AGBL4: variants seen among roughly 807,000 people sequenced by gnomAD.
AGBL4 encodes the protein AGBL carboxypeptidase 4.
AGBL4 carries 58 observed loss-of-function variants against 66.4 expected under a neutral mutation model. That is an observed-to-expected ratio of 0.87 (90% CI 0.71 to 1.09). The LOEUF is 1.09. Ranked by LOEUF, AGBL4 falls within the 50% of genes least tolerant of loss-of-function variation. AGBL4 has a pLI of 0.00. For synonymous variants in AGBL4, 234 were observed against 222.9 expected, an observed-to-expected ratio of 1.05 and a Z score of -0.44; for missense variants, 579 against 631.0, an observed-to-expected ratio of 0.92 and a Z score of 0.88.
chr1:49,464,244 T>C (rs1646577816), intron 3 of AGBL4, among the ~76,000 whole-genome samples: 1 of 151,744 alleles, frequency 6.6e-6, no homozygotes, highest in Admixed American at 6.6e-5. Flanking sequence ...CACTTGGCAA[T>C]ATATATACTC....
At chr1:48,838,459 T>C (rs1255196501) in intron 6 of AGBL4, among the ~76,000 whole-genome samples, 1 of 152,084 alleles carries the variant, frequency 6.6e-6, no homozygotes, top group African/African-American at 2.4e-5. Context: ...CTTTAGTAAA[T>C]GTGCTGGGAA....
At chr1:48,894,792 G>A (rs1262008489) in intron 5 of AGBL4, among the ~76,000 whole-genome samples, 1 of 152,112 alleles carries the variant, frequency 6.6e-6, no homozygotes, top group South Asian at 2.1e-4. Context: ...TTGCTACAAT[G>A]AACAAAGGAT....
At chr1:49,011,123 C>A (rs1455644290) in intron 5 of AGBL4, among the ~76,000 whole-genome samples, 1 of 150,548 alleles carries the variant, frequency 6.6e-6, no homozygotes, top group South Asian at 2.1e-4. Context: ...ATTTTTGCAA[C>A]CTACTCATCT....
At chr1:49,492,076 C>A (rs765665132) in intron 3 of AGBL4, among the ~76,000 whole-genome samples, 1 of 151,856 alleles carries the variant, frequency 6.6e-6, no homozygotes, top group Non-Finnish European at 1.5e-5. Context: ...TCTCACATTT[C>A]TTGTTATGAT....
intron 5 of AGBL4, among the ~76,000 whole-genome samples, chr1:48,892,282 C>T (rs1651045439): frequency 6.6e-6 from 1 of 152,190 alleles, no homozygotes; most frequent in South Asian, 2.1e-4. Flanking sequence ...AGACACAAGT[C>T]ACTGAATTTA....
At chr1:49,742,474 G>T (rs1650594185) in intron 2 of AGBL4, among the ~76,000 whole-genome samples, 1 of 151,684 alleles carries the variant, frequency 6.6e-6, no homozygotes, top group Admixed American at 6.6e-5. Flanking sequence ...TGGCCATACT[G>T]CCCAAGGTAA....
chr1:49,507,055 G>A (rs1178543266), intron 3 of AGBL4, among the ~76,000 whole-genome samples: 1 of 152,008 alleles, frequency 6.6e-6, no homozygotes, highest in Non-Finnish European at 1.5e-5. Context: ...CCTGTCTCAA[G>A]AAGATGTGGC....
At chr1:49,717,338 G>A (rs1168951516) in intron 2 of AGBL4, among the ~76,000 whole-genome samples, 5 of 152,002 alleles carry the variant, frequency 3.3e-5, no homozygotes, top group Non-Finnish European at 7.4e-5. Context: ...CTTTTTAATA[G>A]TAGCCATTCT....
intron 3 of AGBL4, among the ~76,000 whole-genome samples, chr1:49,246,990 A>G (rs755359134): frequency 6.6e-6 from 1 of 152,092 alleles, no homozygotes; most frequent in African/African-American, 2.4e-5. Flanking sequence ...TATAACCATA[A>G]AAATAAATAT....
At chr1:49,499,660 A>G (rs1402094440) in intron 3 of AGBL4, among the ~76,000 whole-genome samples, 1 of 151,826 alleles carries the variant, frequency 6.6e-6, no homozygotes, top group Non-Finnish European at 1.5e-5. Flanking sequence ...ATGGTCTCCA[A>G]TTCCATACAA....
At chr1:49,440,227 G>A (rs1033088299) in intron 3 of AGBL4, among the ~76,000 whole-genome samples, 7 of 151,944 alleles carry the variant, frequency 4.6e-5, no homozygotes, top group East Asian at 2.0e-4. Context: ...CCGCCACCAC[G>A]CTGGCTAATT....
At chr1:49,996,564 T>C (rs753641741) in intron 1 of AGBL4, among the ~76,000 whole-genome samples, 2 of 152,096 alleles carry the variant, frequency 1.3e-5, no homozygotes, top group Non-Finnish European at 2.9e-5. Flanking sequence ...TCTGGGATTA[T>C]GGTAAATGAA....
chr1:49,823,736 C>T (rs1645429780), intron 2 of AGBL4, among the ~76,000 whole-genome samples: 1 of 149,710 alleles, frequency 6.7e-6, no homozygotes, highest in South Asian at 2.1e-4. Context: ...TTCACTTCTG[C>T]AATTTTTAAA....
chr1:48,893,705 A>AATAAAATAAAT (rs1553120621), intron 5 of AGBL4, among the ~76,000 whole-genome samples: 1 of 148,318 alleles, frequency 6.7e-6, no homozygotes, highest in Non-Finnish European at 1.5e-5. Flanking sequence ...TAAATAAATA[A>AATAAAATAAAT]AAAGATAAAA....
intron 3 of AGBL4, among the ~76,000 whole-genome samples, chr1:49,515,976 C>T (rs1339276438): frequency 4.0e-5 from 6 of 150,310 alleles, no homozygotes; most frequent in African/African-American, 1.5e-4. Flanking sequence ...CAACATGGCA[C>T]ATGTATACAT....
chr1:49,024,263 G>A (rs1663470638), intron 5 of AGBL4, among the ~76,000 whole-genome samples: 2 of 152,002 alleles, frequency 1.3e-5, no homozygotes, highest in South Asian at 4.1e-4. Flanking sequence ...CTTCTCCACA[G>A]ACTTCAGCCA....
chr1:49,302,604 TA>T (rs1644768876), intron 3 of AGBL4, among the ~76,000 whole-genome samples: 3 of 126,338 alleles, frequency 2.4e-5, no homozygotes, highest in Non-Finnish European at 3.6e-5. Flanking sequence ...TATTTTATTT[TA>T]TTTTTTTATT....
intron 2 of AGBL4, among the ~76,000 whole-genome samples, chr1:49,730,067 C>T (rs1649319302): frequency 6.6e-6 from 1 of 152,132 alleles, no homozygotes; most frequent in Non-Finnish European, 1.5e-5. Flanking sequence ...CAGCTGGGGC[C>T]TCCTGATTCC....
chr1:48,656,153 G>A (rs1646016612), intron 7 of AGBL4, among the ~76,000 whole-genome samples: 1 of 152,242 alleles, frequency 6.6e-6, no homozygotes, highest in South Asian at 2.1e-4. Flanking sequence ...AGAAGAGAAG[G>A]AAAAGTGGTA....
Sources: allele counts gnomAD v4.1 joint callset (sites outside exome capture counted in the v4.1 genomes callset), GRCh38; gene constraint gnomAD v4.1.1; transcripts MANE v1.5; gene names NCBI Gene and HGNC (gene_info 2026-07-23, HGNC 2026-07-21).